Variants in NOL4L observed in about 807,000 individuals in gnomAD.
The protein encoded by NOL4L is nucleolar protein 4-like.
NOL4L carries 7 observed loss-of-function variants against 64.5 expected under a neutral mutation model. That is an observed-to-expected ratio of 0.11 (90% CI 0.06 to 0.20). The LOEUF is 0.20. Among genes scored for constraint, NOL4L ranks in the 10% least tolerant of loss-of-function variants. The pLI is 1.00. For synonymous variants in NOL4L, 413 were observed against 401.0 expected, an observed-to-expected ratio of 1.03 and a Z score of -0.36; for missense variants, 680 against 967.1, an observed-to-expected ratio of 0.70 and a Z score of 3.94.
In NOL4L at chr20:32,464,378, C is replaced by T. The variant is rs1210981705; in HGVS notation, c.842-7983G>A. Among the ~76,000 whole-genome samples the T allele has an allele frequency of 6.6e-6, 1 of 152,216 alleles. No homozygotes were observed. The highest frequency in any genetic ancestry group is 2.4e-5 in the African/African-American group (1 of 41,458). ...ATCCGGGTGATGGGGCCACACGGGG[C>T]ACCTGCATTCTCCACGTGGCCCTCA... On this transcript the variant is annotated intron_variant, in intron 5 of 10. Transcript: ENST00000621426. This position sits in a 1 kb window ranked among gnomAD's most constrained non-coding sequence, Gnocchi z 5.6.
At chr20:32,481,970 G>GC (rs1555794920) in intron 4 of NOL4L, among the ~76,000 whole-genome samples, 2 of 148,734 alleles carry the variant, frequency 1.3e-5, no homozygotes, top group East Asian at 2.0e-4. Context: ...GGGGCGGGGG[G>GC]GGGGGAGCAG....
chr20:32,466,892 G>A (rs1270841692), intron 5 of NOL4L, among the ~76,000 whole-genome samples: 2 of 152,184 alleles, frequency 1.3e-5, no homozygotes, highest in Non-Finnish European at 2.9e-5. Flanking sequence ...CATGAGTGTT[G>A]GGTCCACGGG....
At chr20:32,583,005 AGGGTCCCAGCCTTGCGCG>A (rs1490184877) in intron 1 of NOL4L, among the ~76,000 whole-genome samples, 1 of 151,776 alleles carries the variant, frequency 6.6e-6, no homozygotes, top group Non-Finnish European at 1.5e-5. Context: ...TTAGGCTGGG[AGGGTCCCAGCCTTGCGCG>A]GGCTGGGTCA....
intron 4 of NOL4L, among the ~76,000 whole-genome samples, chr20:32,478,273 A>ACTCTCT (rs11469154): frequency 2.1e-5 from 3 of 143,332 alleles, no homozygotes; most frequent in Admixed American, 1.4e-4. Context: ...ACACACACAC[A>ACTCTCT]CTCTCTCTCT....
chr20:32,513,330 C>T (rs2017494580), intron 3 of NOL4L, among the ~76,000 whole-genome samples: 2 of 152,150 alleles, frequency 1.3e-5, no homozygotes, highest in African/African-American at 2.4e-5. Flanking sequence ...AAACGCGATA[C>T]CAAGGGCAAG....
At chr20:32,484,398 C>T (rs1262999301) in intron 4 of NOL4L, among the ~76,000 whole-genome samples, 1 of 152,086 alleles carries the variant, frequency 6.6e-6, no homozygotes, top group African/African-American at 2.4e-5. Context: ...GCTGCCCCTC[C>T]GCGCCCCTCC....
At chr20:32,488,888 T>TTTCTTTCC (rs1600740875) in intron 4 of NOL4L, among the ~76,000 whole-genome samples, 1 of 136,420 alleles carries the variant, frequency 7.3e-6, no homozygotes, top group Non-Finnish European at 1.6e-5. Flanking sequence ...TCTTTCTTTC[T>TTTCTTTCC]TTCTTTCCTC....
At chr20:32,548,879 C>A (rs1252584452) in intron 1 of NOL4L, 1 of 433,008 alleles carries the variant, frequency 2.3e-6, no homozygotes, top group Non-Finnish European at 4.6e-6. Context: ...AAATTGAATA[C>A]TACACAGCTG....
rs1333476438 is a variant in NOL4L at position 32,578,108 on chromosome 20, A to AAAGGAAGGAAGGAAGGAAGGAAGG, written c.321+6438_321+6461dup. Reference sequence around the variant, plus strand: ...ATATTGCGTCAAAAAAGAAAGAGAGAAAGGAAGGAAGGAAGGAAGGAAGGA... The same window carrying AAAGGAAGGAAGGAAGGAAGGAAGG: ...ATATTGCGTCAAAAAAGAAAGAGAGAAAGGAAGGAAGGAAGGAAGGAAGGAAGGAAGGAAGGAAGGAAGGAAGGA... On this transcript the variant is annotated intron_variant, in intron 1 of 10. Coordinates refer to ENST00000621426, the MANE Select transcript of NOL4L (RefSeq NM_001256798.2). Among the ~76,000 whole-genome samples, 40 of 88,340 alleles carry AAAGGAAGGAAGGAAGGAAGGAAGG rather than the reference A, an allele frequency of 4.5e-4. 1 individual carries two copies. Among genetic ancestry groups the AAAGGAAGGAAGGAAGGAAGGAAGG allele is most frequent in the East Asian group, 1.0e-3 (1 of 984 alleles). 58.0% of individuals were successfully genotyped at this position (88,340 alleles called of 152,430 possible).
intron 10 of NOL4L, 112 bp from the exon 11 acceptor site, chr20:32,447,928 G>C (rs1389462529): frequency 7.5e-6 from 9 of 1,194,844 alleles, no homozygotes; most frequent in Non-Finnish European, 1.0e-5. Context: ...CTGTGAGTTG[G>C]GCACTGAAGT....
chr20:32,517,605 C>A (rs1167499168), intron 3 of NOL4L, among the ~76,000 whole-genome samples: 1 of 152,228 alleles, frequency 6.6e-6, no homozygotes, highest in African/African-American at 2.4e-5. Context: ...CCCTTCTAAC[C>A]CTGTCCAGGG....
Position 32,584,710 on chromosome 20 carries a change from C to G in NOL4L, c.181G>C (p.Gly61Arg). Residue 61 changes from glycine to arginine, a missense_variant, in exon 1 of 11, where the codon GGG becomes CGG. This residue lies in a region of NOL4L where 181 missense variants were observed against 335.2 expected (regional missense o/e 0.54). Coordinates refer to ENST00000621426, the MANE Select transcript of NOL4L (RefSeq NM_001256798.2). ...GCGGGGCCGCTGCCCGCGCCAGTCCCGCCGCCGCCCTGCAGGACCTCGGCG... is the reference window on the plus strand; with the variant it reads ...GCGGGGCCGCTGCCCGCGCCAGTCCGGCCGCCGCCCTGCAGGACCTCGGCG... Reference protein sequence around the residue: ...RIAEVLQGGGGTGAGSGPAAG... With the variant: ...RIAEVLQGGGRTGAGSGPAAG... 6.5e-7 allele frequency: 1 copy of G among 1,548,454 alleles called. No individual in the cohort carries two copies. Among genetic ancestry groups the G allele is most frequent in the Non-Finnish European group, 8.7e-7 (1 of 1,145,874 alleles).
chr20:32,515,362 T>TG (rs965340667), intron 3 of NOL4L, among the ~76,000 whole-genome samples: 1 of 151,780 alleles, frequency 6.6e-6, no homozygotes, highest in Non-Finnish European at 1.5e-5. Context: ...GAGAGTTCTG[T>TG]GGGGGAGGGA....
intron 1 of NOL4L, among the ~76,000 whole-genome samples, chr20:32,576,022 C>G (rs559312603): frequency 6.6e-6 from 1 of 152,296 alleles, no homozygotes; most frequent in East Asian, 1.9e-4. Flanking sequence ...GCCAGTGTGG[C>G]TGAGGCCAAA....
chr20:32,446,462 C>A lies in NOL4L; in HGVS notation c.*1134G>T, dbSNP rs1432025843. ...ACGGCTGCCTGATAGCCGGGGCTCA[C>A]CCTGAAGAAGTGGCCCCTCTTGGCA... On this transcript the variant is annotated 3_prime_UTR_variant, in exon 11 of 11. Coordinates refer to ENST00000621426, the MANE Select transcript of NOL4L (RefSeq NM_001256798.2). 2 of 152,346 alleles carry A rather than the reference C, an allele frequency of 1.3e-5. No homozygotes were observed. Among genetic ancestry groups the A allele is most frequent in the Non-Finnish European group, 2.9e-5 (2 of 68,138 alleles). 9.4% of individuals were successfully genotyped at this position (152,346 alleles called of 1,614,324 possible). A position where few individuals can be genotyped will look rare whatever the true frequency, so the allele number is the denominator to read the frequency against.
At chr20:32,564,407 G>A (rs1238109233) in intron 1 of NOL4L, among the ~76,000 whole-genome samples, 1 of 152,216 alleles carries the variant, frequency 6.6e-6, no homozygotes, top group Non-Finnish European at 1.5e-5. Flanking sequence ...GAAAACTGAG[G>A]TACAGGGATG....
intron 1 of NOL4L, among the ~76,000 whole-genome samples, chr20:32,531,545 G>A (rs996287170): frequency 2.6e-5 from 4 of 151,978 alleles, no homozygotes; most frequent in Admixed American, 2.0e-4. Context: ...GAGAGATGGC[G>A]TTTCACCATG....
intron 1 of NOL4L, among the ~76,000 whole-genome samples, chr20:32,574,571 G>T (rs1380484611): frequency 6.6e-6 from 1 of 152,110 alleles, no homozygotes; most frequent in South Asian, 2.1e-4. Context: ...TTCTCGACTC[G>T]CCAGCATCCA....
intron 1 of NOL4L, among the ~76,000 whole-genome samples, chr20:32,542,103 G>A (rs933893314): frequency 1.4e-4 from 22 of 152,332 alleles, no homozygotes; most frequent in African/African-American, 4.6e-4. Flanking sequence ...AGGACACAGA[G>A]CTTCAGAATG....
Sources: allele counts gnomAD v4.1 joint callset (sites outside exome capture counted in the v4.1 genomes callset), GRCh38; gene constraint gnomAD v4.1.1; regional missense constraint gnomAD v4.1.1; non-coding constraint Gnocchi (gnomAD v3.1); transcripts MANE v1.5; gene names NCBI Gene and HGNC (gene_info 2026-07-23, HGNC 2026-07-21).